The following EPB41L4A variants were observed in gnomAD, a reference collection of about 807,000 sequenced individuals.
The protein encoded by EPB41L4A is erythrocyte membrane protein band 4.1 like 4A.
In EPB41L4A, 100 loss-of-function variants were observed where a neutral mutation model predicts 108.6. That is an observed-to-expected ratio of 0.92 (90% CI 0.78 to 1.09). The LOEUF is 1.09. EPB41L4A is among the 50% of genes least tolerant of loss of function. The pLI is 0.00. For missense variants in EPB41L4A, 1,030 were observed against 842.7 expected (o/e 1.22, Z -2.75); for synonymous variants, 319 against 289.0 (o/e 1.10, Z -1.05).
chr5:112,331,086 G>A (rs994212789), intron 1 of EPB41L4A, among the ~76,000 whole-genome samples: 2 of 152,182 alleles, frequency 1.3e-5, no homozygotes, highest in Non-Finnish European at 2.9e-5. Flanking sequence ...TCTGTGTCAA[G>A]CAAGCCTGAG....
chr5:112,216,772 T>C (rs188858430), intron 12 of EPB41L4A, among the ~76,000 whole-genome samples: 1 of 152,224 alleles, frequency 6.6e-6, no homozygotes, highest in South Asian at 2.1e-4. Flanking sequence ...TGACCAATAA[T>C]TGAAAATATA....
intron 1 of EPB41L4A, among the ~76,000 whole-genome samples, chr5:112,343,845 T>C (rs1321248469): frequency 6.6e-6 from 1 of 152,194 alleles, no homozygotes; most frequent in Non-Finnish European, 1.5e-5. Context: ...ATTCAAACTA[T>C]TAAAAATACA....
At chr5:112,271,263 C>G (rs1266670272) in intron 4 of EPB41L4A, among the ~76,000 whole-genome samples, 1 of 152,194 alleles carries the variant, frequency 6.6e-6, no homozygotes, top group Non-Finnish European at 1.5e-5. Context: ...CTTAAACATG[C>G]AAGAAGACCT....
intron 1 of EPB41L4A, among the ~76,000 whole-genome samples, chr5:112,405,609 C>A (rs1445907556): frequency 6.6e-6 from 1 of 152,120 alleles, no homozygotes; most frequent in African/African-American, 2.4e-5. Flanking sequence ...CATTACATTA[C>A]CACCCTAGAA....
intron 1 of EPB41L4A, among the ~76,000 whole-genome samples, chr5:112,315,631 C>G (rs1561564756): frequency 6.6e-6 from 1 of 151,984 alleles, no homozygotes; most frequent in Non-Finnish European, 1.5e-5. Context: ...ACATATAATT[C>G]CAATAGACTC....
At chr5:112,274,004 T>G (rs1037865818) in intron 4 of EPB41L4A, among the ~76,000 whole-genome samples, 1 of 151,758 alleles carries the variant, frequency 6.6e-6, no homozygotes, top group African/African-American at 2.4e-5. Flanking sequence ...AAAAATGAGG[T>G]CTACGCTGGC....
At chr5:112,297,107 G>A (rs1051945977) in intron 2 of EPB41L4A, among the ~76,000 whole-genome samples, 1 of 152,106 alleles carries the variant, frequency 6.6e-6, no homozygotes, top group African/African-American at 2.4e-5. Flanking sequence ...AAACATGGGT[G>A]TGCAAGTATC....
intron 18 of EPB41L4A, among the ~76,000 whole-genome samples, chr5:112,181,791 G>C (rs964451870): frequency 6.6e-6 from 1 of 152,142 alleles, no homozygotes; most frequent in Non-Finnish European, 1.5e-5. Flanking sequence ...CAGAACAGTG[G>C]ACCAGGCGCA....
chr5:112,162,076 T>C (rs1373240882), downstream of EPB41L4A: 1 of 152,270 alleles, frequency 6.6e-6, no homozygotes, highest in African/African-American at 2.4e-5. Flanking sequence ...ATCGCAGGCA[T>C]ATTACCAAGT....
At chr5:112,359,438 G>A (rs878943672) in intron 1 of EPB41L4A, among the ~76,000 whole-genome samples, 3 of 152,084 alleles carry the variant, frequency 2.0e-5, no homozygotes, top group Admixed American at 6.5e-5. Context: ...TCCCCCTAAG[G>A]TTAATATGGT....
intron 9 of EPB41L4A, among the ~76,000 whole-genome samples, chr5:112,256,087 G>T (rs1448789264): frequency 6.6e-6 from 1 of 152,160 alleles, no homozygotes; most frequent in African/African-American, 2.4e-5. Flanking sequence ...CACTGAGATA[G>T]AGACACTATC....
At chr5:112,324,213 C>T (rs1256675340) in intron 1 of EPB41L4A, among the ~76,000 whole-genome samples, 4 of 151,956 alleles carry the variant, frequency 2.6e-5, no homozygotes, top group Non-Finnish European at 4.4e-5. Context: ...CAGATGAGAA[C>T]GAAAAATTCT....
chr5:112,400,463 G>A (rs1424374248), intron 1 of EPB41L4A, among the ~76,000 whole-genome samples: 1 of 152,128 alleles, frequency 6.6e-6, no homozygotes, highest in Non-Finnish European at 1.5e-5. Context: ...CTTGGCTTCT[G>A]GGGAGGCCTC....
chr5:112,396,249 T>TA (rs1346186677), intron 1 of EPB41L4A, among the ~76,000 whole-genome samples: 6 of 151,762 alleles, frequency 4.0e-5, no homozygotes, highest in South Asian at 4.2e-4. Context: ...AAAGTATAAT[T>TA]AAAAAAAATT....
intron 1 of EPB41L4A, 62 bp from the exon 2 acceptor site, chr5:112,307,552 T>C (rs1754775512): frequency 9.8e-7 from 1 of 1,020,936 alleles, no homozygotes; most frequent in African/African-American, 1.6e-5. Context: ...TAGTACACAG[T>C]CATGGTTCTC....
chr5:112,321,055 T>A (rs1475434749), intron 1 of EPB41L4A, among the ~76,000 whole-genome samples: 2 of 152,150 alleles, frequency 1.3e-5, no homozygotes, highest in Non-Finnish European at 2.9e-5. Flanking sequence ...GGTGTTCATA[T>A]CTTGCCTGGT....
intron 1 of EPB41L4A, among the ~76,000 whole-genome samples, chr5:112,347,948 C>T (rs57004301): frequency 0.07 from 10,601 of 152,214 alleles, 1,024 homozygotes; most frequent in African/African-American, 0.22. Context: ...CCTTCCTCTA[C>T]GGGAAACCTT....
intron 19 of EPB41L4A, among the ~76,000 whole-genome samples, chr5:112,170,721 C>T (rs971753171): frequency 3.3e-5 from 5 of 152,040 alleles, no homozygotes; most frequent in Admixed American, 6.6e-5. Context: ...CATTTAGAGG[C>T]GAGACTAAAT....
Position 112,419,094 on chromosome 5 carries a change from C to T in EPB41L4A, c.-55G>A. 7.4e-7 allele frequency: 1 copy of T among 1,355,322 alleles called. No homozygotes were observed. The allele number at this position is 1,355,322 out of a possible 1,614,324, so 84.0% of individuals were successfully genotyped here. A position where few individuals can be genotyped will look rare whatever the true frequency, so the allele number is the denominator to read the frequency against. On this transcript the variant is annotated 5_prime_UTR_variant, in exon 1 of 23. Coordinates refer to ENST00000261486, the MANE Select transcript of EPB41L4A (RefSeq NM_022140.5). ...GAAAGCTACCACCGAGGCGCCCAGC[C>T]GCCCCCTCCACTCAAGCGCGATGCA...
Sources: gnomAD v4.1 joint callset for allele counts (sites outside exome capture counted in the v4.1 genomes callset) on GRCh38, gnomAD v4.1.1 for gene constraint, MANE v1.5 for transcripts, NCBI Gene and HGNC (gene_info 2026-07-23, HGNC 2026-07-21) for gene names.